ZNF804A: variants seen among roughly 807,000 people sequenced by gnomAD.
The protein encoded by ZNF804A is zinc finger protein 804A.
ZNF804A carries 2 observed loss-of-function variants against 16.5 expected under a neutral mutation model. The ratio of observed to expected loss-of-function variants is 0.12; its 90% CI spans 0.05 to 0.38. The LOEUF (loss-of-function observed/expected upper bound fraction) is 0.38, where lower values mean the gene tolerates loss of function less well. ZNF804A is among the 10% of genes least tolerant of loss of function. The pLI is 0.99. For missense variants in ZNF804A, 1,473 were observed against 1,390.7 expected (o/e 1.06, Z -0.94); for synonymous variants, 534 against 489.6 (o/e 1.09, Z -1.20).
At chr2:184,859,972 G>T (rs932124408) in intron 1 of ZNF804A, among the ~76,000 whole-genome samples, 1 of 152,208 alleles carries the variant, frequency 6.6e-6, no homozygotes, top group Non-Finnish European at 1.5e-5. Context: ...GAAGGGTTTG[G>T]CATTTGGTTC....
intron 1 of ZNF804A, among the ~76,000 whole-genome samples, chr2:184,757,069 G>T (rs1316846256): frequency 6.6e-6 from 1 of 151,998 alleles, no homozygotes; most frequent in African/African-American, 2.4e-5. Context: ...GCTTTCTCAT[G>T]CTGAGCTGTC....
intron 1 of ZNF804A, among the ~76,000 whole-genome samples, chr2:184,679,263 A>C (rs537424754): frequency 2.6e-5 from 4 of 152,248 alleles, no homozygotes; most frequent in African/African-American, 7.2e-5. Flanking sequence ...CCAAAGATAC[A>C]ATAACACAAA....
chr2:184,912,986 A>G (rs1209388627), intron 2 of ZNF804A, among the ~76,000 whole-genome samples: 1 of 152,092 alleles, frequency 6.6e-6, no homozygotes, highest in Admixed American at 6.6e-5. Context: ...TTGGTGCTGT[A>G]TGTAAGAAAC....
intron 1 of ZNF804A, among the ~76,000 whole-genome samples, chr2:184,776,432 G>A (rs1694286225): frequency 1.3e-5 from 2 of 151,136 alleles, no homozygotes; most frequent in African/African-American, 4.8e-5. Context: ...TGAGTGATTA[G>A]ATGACACTTT....
At chr2:184,856,286 T>G (rs544811729) in intron 1 of ZNF804A, among the ~76,000 whole-genome samples, 1 of 152,186 alleles carries the variant, frequency 6.6e-6, no homozygotes, top group East Asian at 1.9e-4. Context: ...TCTTTCCAAA[T>G]TTCTTCTCAT....
At chr2:184,844,493 C>T (rs1695484258) in intron 1 of ZNF804A, among the ~76,000 whole-genome samples, 1 of 151,866 alleles carries the variant, frequency 6.6e-6, no homozygotes, top group Non-Finnish European at 1.5e-5. Flanking sequence ...TTATAGAATT[C>T]TAGGTTGTTG....
intron 1 of ZNF804A, among the ~76,000 whole-genome samples, chr2:184,827,599 A>G (rs956838906): frequency 6.0e-5 from 9 of 150,568 alleles, no homozygotes; most frequent in African/African-American, 1.9e-4. Context: ...TCCACCAACC[A>G]TCTGCTTCAG....
At chr2:184,809,676 G>A (rs1011378343) in intron 1 of ZNF804A, among the ~76,000 whole-genome samples, 1 of 151,740 alleles carries the variant, frequency 6.6e-6, no homozygotes, top group Non-Finnish European at 1.5e-5. Flanking sequence ...GTCACTATGA[G>A]TGTTGGCTTT....
intron 1 of ZNF804A, among the ~76,000 whole-genome samples, chr2:184,705,698 C>T (rs1423301415): frequency 6.6e-6 from 1 of 151,914 alleles, no homozygotes. Flanking sequence ...TTAAGAAAAA[C>T]AACTTCCTTT....
intron 1 of ZNF804A, among the ~76,000 whole-genome samples, chr2:184,795,507 A>G (rs1694617438): frequency 6.6e-6 from 1 of 152,162 alleles, no homozygotes; most frequent in Non-Finnish European, 1.5e-5. Flanking sequence ...TCACACCTCA[A>G]GGAACTAGAG....
chr2:184,891,581 G>C (rs369110487), intron 2 of ZNF804A, among the ~76,000 whole-genome samples: 1 of 137,346 alleles, frequency 7.3e-6, no homozygotes, highest in Non-Finnish European at 1.6e-5. Flanking sequence ...GGAAACCACT[G>C]TTATTCTTTT....
intron 1 of ZNF804A, among the ~76,000 whole-genome samples, chr2:184,644,799 C>G (rs1691847206): frequency 6.6e-6 from 1 of 151,952 alleles, no homozygotes; most frequent in South Asian, 2.1e-4. Flanking sequence ...TCAAAAGAGA[C>G]CATGTTAAGG....
chr2:184,879,665 A>C (rs1244959571), intron 2 of ZNF804A, among the ~76,000 whole-genome samples: 1 of 151,966 alleles, frequency 6.6e-6, no homozygotes, highest in Non-Finnish European at 1.5e-5. Flanking sequence ...GGAAATCAGA[A>C]ATTTAGGGAT....
chr2:184,886,314 C>T (rs1050898767), intron 2 of ZNF804A, among the ~76,000 whole-genome samples: 29 of 152,190 alleles, frequency 1.9e-4, no homozygotes, highest in African/African-American at 4.3e-4. Flanking sequence ...TTGCGCAGCT[C>T]GGCCCCTGTG....
chr2:184,734,555 T>C (rs753746255), intron 1 of ZNF804A, among the ~76,000 whole-genome samples: 1 of 152,210 alleles, frequency 6.6e-6, no homozygotes, highest in Non-Finnish European at 1.5e-5. Context: ...TCTTATTTTA[T>C]GATTTGTTGA....
intron 1 of ZNF804A, among the ~76,000 whole-genome samples, chr2:184,796,102 T>C (rs1000948506): frequency 7.9e-5 from 12 of 152,126 alleles, no homozygotes; most frequent in African/African-American, 2.9e-4. Context: ...TTTGATATGT[T>C]GTTGGATTCA....
chr2:184,705,255 G>A (rs1163018255), intron 1 of ZNF804A, among the ~76,000 whole-genome samples: 1 of 152,116 alleles, frequency 6.6e-6, no homozygotes, highest in Non-Finnish European at 1.5e-5. Context: ...AATAGCCCAG[G>A]TGAACATAGT....
chr2:184,622,460 G>A (rs1368251563), intron 1 of ZNF804A, among the ~76,000 whole-genome samples: 1 of 151,626 alleles, frequency 6.6e-6, no homozygotes, highest in Non-Finnish European at 1.5e-5. Flanking sequence ...GCACCAAAAG[G>A]AGCCTTGATT....
At chr2:184,929,284 C>A (rs1685657805) in intron 2 of ZNF804A, among the ~76,000 whole-genome samples, 1 of 152,174 alleles carries the variant, frequency 6.6e-6, no homozygotes. Flanking sequence ...CAAATTATTT[C>A]TAAACCTCAA....
Sources: gnomAD v4.1 joint callset for allele counts (sites outside exome capture counted in the v4.1 genomes callset) on GRCh38, gnomAD v4.1.1 for gene constraint, MANE v1.5 for transcripts, NCBI Gene and HGNC (gene_info 2026-07-23, HGNC 2026-07-21) for gene names.